Variants in EXT1 observed in about 807,000 individuals in gnomAD.
The protein encoded by EXT1 is exostosin glycosyltransferase 1, also known as exostosin-1.
A neutral mutation model predicts 82.5 loss-of-function variants in EXT1; 20 were observed. That is an observed-to-expected ratio of 0.24 (90% CI 0.17 to 0.35). The LOEUF (loss-of-function observed/expected upper bound fraction) is 0.35, where lower values mean the gene tolerates loss of function less well. Among genes scored for constraint, EXT1 ranks in the 10% least tolerant of loss-of-function variants. EXT1 has a pLI of 1.00. For missense variants in EXT1, 757 were observed against 936.5 expected, an observed-to-expected ratio of 0.81 and a Z score of 2.50; for synonymous variants, 348 against 350.8, an observed-to-expected ratio of 0.99 and a Z score of 0.09.
intron 1 of EXT1, among the ~76,000 whole-genome samples, chr8:118,036,826 A>C (rs968035375): frequency 6.4e-4 from 98 of 152,126 alleles, no homozygotes; most frequent in Non-Finnish European, 1.2e-4. Context: ...TGTTCTTTTG[A>C]GCCTCTATGA....
intron 1 of EXT1, among the ~76,000 whole-genome samples, chr8:117,937,305 C>T (rs1330265363): frequency 6.6e-6 from 1 of 152,176 alleles, no homozygotes; most frequent in African/African-American, 2.4e-5. Flanking sequence ...GGAAGTTCAT[C>T]ATAATGTAAC....
rs1409718616 is a variant in EXT1, at chr8:118,092,712, C to A, written c.962+17373G>T. On this transcript the variant is annotated intron_variant, in intron 1 of 10. Transcript: ENST00000378204. ...GAAATCAACTCTTAGATTACCATCT[C>A]ACCTGCCGGTGTGGACAGAAAAACG... is the stretch of plus-strand genomic sequence containing the variant. Among the ~76,000 whole-genome samples, 2 of 152,232 alleles carry A rather than the reference C, an allele frequency of 1.3e-5. 1 individual carries two copies. Among genetic ancestry groups the A allele is most frequent in the South Asian group, 4.1e-4 (2 of 4,832 alleles).
rs769638712 is a variant in EXT1 at position 117,804,792 on chromosome 8, G to C, written c.1985C>G (p.Ser662Cys). The C allele has an allele frequency of 6.2e-7, 1 of 1,614,126 alleles. No homozygotes were observed. Among genetic ancestry groups the C allele is most frequent in the Non-Finnish European group, 8.5e-7 (1 of 1,179,986 alleles). ...GATTGGAGGCAATTTTGTCACAGCA[G>C]ACACCAGGAAGTTCATGAGAATGTC... Reference protein sequence around the residue: ...CEDILMNFLVSAVTKLPPIKV... With the variant: ...CEDILMNFLVCAVTKLPPIKV... Residue 662 changes from serine (S) to cysteine (C), a missense_variant, in exon 10 of 11, where the codon TCT becomes TGT. Around this residue, in one of 4 missense-constraint regions of EXT1, gnomAD observed 128 missense variants for 223.2 expected, o/e 0.57. Transcript: ENST00000378204.
rs777346027 is a variant in EXT1 at position 118,074,729 on chromosome 8, G to C, written c.962+35356C>G. Among the ~76,000 whole-genome samples, 108 of 152,312 alleles carry C rather than the reference G, an allele frequency of 7.1e-4. 1 individual carries two copies. The Middle Eastern group carries it at 0.014, about 19-fold the overall frequency. ...GGGCTGGAGGGAAGGCTGGGAAAGA[G>C]TAAAAGAAAACAAACTGCTTTTTCC... On this transcript the variant is annotated intron_variant, in intron 1 of 10. Transcript: ENST00000378204.
intron 1 of EXT1, among the ~76,000 whole-genome samples, chr8:117,965,991 T>TACACACACACACACACACACACAC (rs1176965487): frequency 1.6e-5 from 2 of 124,572 alleles, no homozygotes; most frequent in Admixed American, 7.7e-5. Flanking sequence ...CATACATGCA[T>TACACACACACACACACACACACAC]ATACACACAC....
rs1817872757 is a variant in EXT1 at position 118,110,333 on chromosome 8, A to C, written c.714T>G (p.Ser238=). The C allele has an allele frequency of 6.2e-7, 1 of 1,614,068 alleles. No individual in the cohort carries two copies. Among genetic ancestry groups the C allele is most frequent in the African/African-American group, 1.3e-5 (1 of 74,916 alleles). ...PNFDVSIPLF[S]KDHPRTGGER... is the part of the protein sequence containing the mutation. ...CCCCTCCTGTCCTGGGATGATCCTT[A>C]GAAAAGAGGGGAATAGAAACATCAA... The change falls in exon 1 of 11, where the codon TCT becomes TCG. Residue 238 remains serine, a synonymous_variant. Coordinates refer to ENST00000378204, the MANE Select transcript of EXT1 (RefSeq NM_000127.3).
chr8:117,950,075 A>C (rs531372731), intron 1 of EXT1, among the ~76,000 whole-genome samples: 1 of 152,116 alleles, frequency 6.6e-6, no homozygotes, highest in Non-Finnish European at 1.5e-5. Context: ...ATAAACAAAC[A>C]AAAAAACAAA....
At chr8:118,037,489 G>A (rs1347790622) in intron 1 of EXT1, among the ~76,000 whole-genome samples, 4 of 151,732 alleles carry the variant, frequency 2.6e-5, no homozygotes, top group African/African-American at 4.8e-5. Flanking sequence ...GGGATTACAG[G>A]TTTGAGCCAC....
chr8:117,876,807 A>C (rs569245080), intron 1 of EXT1, among the ~76,000 whole-genome samples: 22 of 152,332 alleles, frequency 1.4e-4, no homozygotes, highest in Non-Finnish European at 3.1e-4. Context: ...ATTCTTCCAC[A>C]GATATTTACG....
chr8:117,982,346 A>G (rs1274956659), intron 1 of EXT1, among the ~76,000 whole-genome samples: 1 of 152,166 alleles, frequency 6.6e-6, no homozygotes, highest in Admixed American at 6.5e-5. Flanking sequence ...CCAATCGTCA[A>G]AGCCATCAAA....
At chr8:118,010,587 A>C (rs111247097) in intron 1 of EXT1, among the ~76,000 whole-genome samples, 12 of 152,280 alleles carry the variant, frequency 7.9e-5, no homozygotes, top group African/African-American at 2.6e-4. Context: ...CATCTCAGCT[A>C]ATTAAAAGAA....
chr8:117,825,179 A>T (rs1439523393), intron 4 of EXT1, among the ~76,000 whole-genome samples: 1 of 152,138 alleles, frequency 6.6e-6, no homozygotes, highest in African/African-American at 2.4e-5. Context: ...ACCAGAATTG[A>T]TTCTGTAGGA....
intron 1 of EXT1, among the ~76,000 whole-genome samples, chr8:118,098,098 T>C (rs774677651): frequency 1.8e-4 from 28 of 152,066 alleles, no homozygotes; most frequent in Non-Finnish European, 3.5e-4. Context: ...AACATGTGAA[T>C]TAACTATGAG....
chr8:117,925,005 T>C (rs1813926173), intron 1 of EXT1, among the ~76,000 whole-genome samples: 1 of 152,188 alleles, frequency 6.6e-6, no homozygotes, highest in African/African-American at 2.4e-5. Flanking sequence ...TGACTTTTAT[T>C]ATAAATTTAG....
intron 1 of EXT1, among the ~76,000 whole-genome samples, chr8:118,031,124 G>A (rs953380405): frequency 3.9e-5 from 6 of 152,174 alleles, no homozygotes; most frequent in African/African-American, 1.2e-4. Flanking sequence ...CAGATGGGGT[G>A]TGGGGGGAAC....
intron 1 of EXT1, among the ~76,000 whole-genome samples, chr8:117,915,652 C>T (rs1440351996): frequency 1.3e-5 from 2 of 152,072 alleles, no homozygotes; most frequent in Non-Finnish European, 2.9e-5. Flanking sequence ...GTGAGGAGTT[C>T]GAGACCAGCC....
At chr8:117,968,418 C>A (rs548899415) in intron 1 of EXT1, among the ~76,000 whole-genome samples, 3 of 151,976 alleles carry the variant, frequency 2.0e-5, no homozygotes, top group Non-Finnish European at 2.9e-5. Flanking sequence ...CCATGCCTGG[C>A]CAAAATTTAC....
At chr8:117,992,253 A>C (rs1815448998) in intron 1 of EXT1, among the ~76,000 whole-genome samples, 1 of 152,044 alleles carries the variant, frequency 6.6e-6, no homozygotes, top group Non-Finnish European at 1.5e-5. Flanking sequence ...GTATTACATA[A>C]GTGCAAAGAA....
chr8:118,007,788 G>GA (rs957061719), intron 1 of EXT1, among the ~76,000 whole-genome samples: 2 of 152,010 alleles, frequency 1.3e-5, no homozygotes, highest in Non-Finnish European at 1.5e-5. Flanking sequence ...AAGAGAGAAA[G>GA]AAAAAAATGA....
Sources: gnomAD v4.1 joint callset for allele counts (sites outside exome capture counted in the v4.1 genomes callset) on GRCh38, gnomAD v4.1.1 for gene constraint, gnomAD v4.1.1 regional missense constraint, MANE v1.5 for transcripts, NCBI Gene and HGNC (gene_info 2026-07-23, HGNC 2026-07-21) for gene names.